NSUN6: variants seen among roughly 807,000 people sequenced by gnomAD.
NSUN6 encodes the protein NOP2/Sun RNA methyltransferase 6, also known as tRNA (cytosine(72)-C(5))-methyltransferase NSUN6.
In NSUN6, 64 loss-of-function variants were observed where a neutral mutation model predicts 58.0. The ratio of observed to expected loss-of-function variants is 1.10; its 90% CI spans 0.90 to 1.36. NSUN6 has a LOEUF of 1.36. Ranked by LOEUF, NSUN6 falls within the 40% of genes most tolerant of loss-of-function variation. The probability of loss-of-function intolerance (pLI) is 0.00; values close to 1 mark genes in which losing one functional copy is unlikely to be tolerated. For synonymous variants in NSUN6, 231 were observed against 193.9 expected (o/e 1.19, Z -1.59); for missense variants, 701 against 550.1 (o/e 1.27, Z -2.74).
At chr10:18,658,896 GAATAGATT>G (rs752201595), upstream of NSUN6, among the ~76,000 whole-genome samples, 4 of 152,136 alleles carry the variant, frequency 2.6e-5, no homozygotes, top group Non-Finnish European at 4.4e-5. Context: ...ATACGTGAAT[GAATAGATT>G]AATAAATGAA....
chr10:18,552,268 C>T (rs1225377173), intron 8 of NSUN6, among the ~76,000 whole-genome samples: 1 of 152,132 alleles, frequency 6.6e-6, no homozygotes, highest in Non-Finnish European at 1.5e-5. Flanking sequence ...CTCATCAAAG[C>T]TAGGACTTGG....
At chr10:18,616,040 A>C (rs58846432) in intron 4 of NSUN6, 144 bp downstream of exon 4, 209 of 597,158 alleles carry the variant, frequency 3.5e-4, no homozygotes, top group African/African-American at 2.3e-3. Context: ...TCCTTACTGG[A>C]TAAAACCCTA....
At chr10:18,652,084 TAATG>T, upstream of NSUN6, 1 of 985,406 alleles carries the variant, frequency 1.0e-6, no homozygotes, top group Non-Finnish European at 1.2e-6. Flanking sequence ...AAAGTTGGGC[TAATG>T]GTCTGTTAAT....
chr10:18,559,904 TG>T (rs2055350376), intron 8 of NSUN6, among the ~76,000 whole-genome samples: 1 of 147,490 alleles, frequency 6.8e-6, no homozygotes, highest in African/African-American at 2.6e-5. Flanking sequence ...GGGAATGGAA[TG>T]GAATGGAGAA....
chr10:18,653,789 T>G (rs2059747144), upstream of NSUN6, among the ~76,000 whole-genome samples: 1 of 152,228 alleles, frequency 6.6e-6, no homozygotes, highest in Non-Finnish European at 1.5e-5. Flanking sequence ...GAGGTTGGCA[T>G]AGTAGATATG....
chr10:18,614,993 C>T lies in NSUN6; in HGVS notation c.422-380G>A, dbSNP rs560699608. On this transcript the variant is annotated intron_variant, in intron 4 of 10. Transcript: ENST00000377304. ...TTCAAAAGGACTGTTCAAAAATGTA[C>T]CCTAAAATCCTTCAAAGAAATATTT... Among the ~76,000 whole-genome samples the T allele has an allele frequency of 4.6e-5, 7 of 152,034 alleles. No individual in the cohort carries two copies. The South Asian group carries it at 6.3e-4, about 14-fold the overall frequency.
At chr10:18,569,499 ATCCATTCCATTCCATCC>A (rs1328685007) in intron 8 of NSUN6, among the ~76,000 whole-genome samples, 1 of 123,764 alleles carries the variant, frequency 8.1e-6, no homozygotes, top group Non-Finnish European at 1.7e-5. Flanking sequence ...TCATTCCACT[ATCCATTCCATTCCATCC>A]TCCATTCCAT....
chr10:18,562,645 GGA>G (rs2055607860), intron 8 of NSUN6, among the ~76,000 whole-genome samples: 1 of 143,894 alleles, frequency 6.9e-6, no homozygotes, highest in African/African-American at 2.9e-5. Context: ...AGAATGGAAT[GGA>G]GAATGGAAGG....
At chr10:18,575,191 A>G (rs2056588239) in intron 8 of NSUN6, among the ~76,000 whole-genome samples, 1 of 152,156 alleles carries the variant, frequency 6.6e-6, no homozygotes, top group Non-Finnish European at 1.5e-5. Context: ...TAATTCTCAG[A>G]GTTTATGGTT....
chr10:18,558,396 G>A (rs1177893154), intron 8 of NSUN6, among the ~76,000 whole-genome samples: 1 of 150,976 alleles, frequency 6.6e-6, no homozygotes, highest in African/African-American at 2.4e-5. Flanking sequence ...ATGCAGTGGT[G>A]AATAGAATGA....
chr10:18,601,796 C>A (rs888937721), intron 6 of NSUN6, among the ~76,000 whole-genome samples: 1 of 151,884 alleles, frequency 6.6e-6, no homozygotes, highest in Non-Finnish European at 1.5e-5. Context: ...ACCTGGCCAA[C>A]ATGGTCCCCA....
At chr10:18,621,822 G>C (rs2058616509) in intron 3 of NSUN6, among the ~76,000 whole-genome samples, 1 of 152,132 alleles carries the variant, frequency 6.6e-6, no homozygotes, top group African/African-American at 2.4e-5. Context: ...TATTTTAACT[G>C]CACATATTCA....
intron 8 of NSUN6, among the ~76,000 whole-genome samples, chr10:18,574,264 C>T (rs1016483389): frequency 6.6e-6 from 1 of 152,036 alleles, no homozygotes; most frequent in Non-Finnish European, 1.5e-5. Flanking sequence ...AAACTGAGAG[C>T]AAGCACGCCT....
chr10:18,579,727 G>C (rs1157628174), intron 8 of NSUN6, among the ~76,000 whole-genome samples: 1 of 152,188 alleles, frequency 6.6e-6, no homozygotes, highest in Non-Finnish European at 1.5e-5. Flanking sequence ...TAAGGTGGAA[G>C]TGGGGCTTCC....
chr10:18,626,640 C>T (rs547393786), intron 3 of NSUN6, among the ~76,000 whole-genome samples: 7 of 152,244 alleles, frequency 4.6e-5, no homozygotes, highest in African/African-American at 7.2e-5. Flanking sequence ...TGATGCCAGA[C>T]GCCTGTAATT....
intron 1 of NSUN6, among the ~76,000 whole-genome samples, chr10:18,650,024 G>A (rs1415520687): frequency 6.6e-6 from 1 of 152,044 alleles, no homozygotes; most frequent in African/African-American, 2.4e-5. Context: ...GAAAACTAAA[G>A]ATTTCAAAAA....
chr10:18,623,536 C>T (rs1032373808), intron 3 of NSUN6, among the ~76,000 whole-genome samples: 1 of 152,018 alleles, frequency 6.6e-6, no homozygotes, highest in African/African-American at 2.4e-5. Context: ...TTACTTAGGA[C>T]CAGGACCACA....
At chr10:18,564,458 C>CA (rs1255436988) in intron 8 of NSUN6, among the ~76,000 whole-genome samples, 1 of 149,782 alleles carries the variant, frequency 6.7e-6, no homozygotes, top group Non-Finnish European at 1.5e-5. Flanking sequence ...CATTCATACC[C>CA]ATTCTCCATT....
rs146095617 is a variant in NSUN6 at position 18,627,557 on chromosome 10, C to A, written c.312-11264G>T. On this transcript the variant is annotated intron_variant, in intron 3 of 10. Transcript: ENST00000377304. Reference sequence around the variant, plus strand: ...GGGCGCAGGTCAGTGGGTGCGCGCACCGTGCCCGAGCCAAAGCAGGGCGAG... The same window carrying A: ...GGGCGCAGGTCAGTGGGTGCGCGCAACGTGCCCGAGCCAAAGCAGGGCGAG... Among the ~76,000 whole-genome samples, 393 of 152,216 alleles carry A rather than the reference C, an allele frequency of 2.6e-3. 2 individuals carry two copies. Among genetic ancestry groups the A allele is most frequent in the African/African-American group, 8.6e-3 (358 of 41,536 alleles).
Sources: gnomAD v4.1 joint callset for allele counts (sites outside exome capture counted in the v4.1 genomes callset) on GRCh38, gnomAD v4.1.1 for gene constraint, MANE v1.5 for transcripts, NCBI Gene and HGNC (gene_info 2026-07-23, HGNC 2026-07-21) for gene names.